Variants in COL27A1 observed in about 807,000 individuals in gnomAD.
COL27A1 encodes the protein collagen alpha-1(XXVII) chain.
In COL27A1, 106 loss-of-function variants were observed where a neutral mutation model predicts 251.3. That is an observed-to-expected ratio of 0.42 (90% CI 0.36 to 0.50). The LOEUF is 0.50. Among genes scored for constraint, COL27A1 ranks in the 20% least tolerant of loss-of-function variants. The pLI is 0.00. For missense variants in COL27A1, 2,325 were observed against 2,522.8 expected, an observed-to-expected ratio of 0.92 and a Z score of 1.68; for synonymous variants, 1,000 against 986.3, an observed-to-expected ratio of 1.01 and a Z score of -0.26.
intron 53 of COL27A1, 44 bp downstream of exon 53, chr9:114,301,363 CGGGGGAGGGGT>C: frequency 9.1e-6 from 3 of 331,472 alleles, no homozygotes; most frequent in Non-Finnish European, 1.8e-5. Flanking sequence ...ACTGCAGGGG[CGGGGGAGGGGT>C]GGGCTCCCAG....
At chr9:114,162,860 C>T (rs1179587456) in intron 2 of COL27A1, 75 bp downstream of exon 2, 3 of 1,027,726 alleles carry the variant, frequency 2.9e-6, no homozygotes, top group African/African-American at 1.6e-5. Context: ...GGGTAGGAGA[C>T]AGCCGTGCCT....
chr9:114,177,477 G>A (rs1827562859), intron 3 of COL27A1, among the ~76,000 whole-genome samples: 2 of 152,170 alleles, frequency 1.3e-5, no homozygotes, highest in African/African-American at 2.4e-5. Flanking sequence ...CCACTGAGGG[G>A]GCTGCTGCCG....
intron 14 of COL27A1, among the ~76,000 whole-genome samples, chr9:114,227,625 G>T (rs1259477655): frequency 6.6e-6 from 1 of 152,004 alleles, no homozygotes; most frequent in African/African-American, 2.4e-5. Flanking sequence ...GCTAAGGAGG[G>T]TTCAAAGTGG....
chr9:114,183,976 A>G (rs1284295697), intron 5 of COL27A1, among the ~76,000 whole-genome samples: 2 of 152,206 alleles, frequency 1.3e-5, no homozygotes, highest in Non-Finnish European at 2.9e-5. Flanking sequence ...TGAGAAACTC[A>G]GAGCACCAAG....
rs148617552 is a variant in COL27A1 at position 114,196,755 on chromosome 9, G to A, written c.2124+743G>A. Reference sequence around the variant, plus strand: ...TGCTGGGGGAGTTACCTGTCCAAACGCCTGTGTGAGGAAAAGACTGGCATT... The same window carrying A: ...TGCTGGGGGAGTTACCTGTCCAAACACCTGTGTGAGGAAAAGACTGGCATT... On this transcript the variant is annotated intron_variant, in intron 7 of 60. Transcript: ENST00000356083. Among the ~76,000 whole-genome samples, 18 of 152,214 alleles carry A rather than the reference G, an allele frequency of 1.2e-4. 1 individual carries two copies. The highest frequency in any genetic ancestry group is 4.3e-4 in the African/African-American group (18 of 41,534).
At chr9:114,192,998 T>G (rs1317185591) in intron 5 of COL27A1, among the ~76,000 whole-genome samples, 1 of 151,516 alleles carries the variant, frequency 6.6e-6, no homozygotes, top group Non-Finnish European at 1.5e-5. Flanking sequence ...GAAGCTGGCG[T>G]GTGTTTGTGT....
At chr9:114,246,530 G>A (rs1262369304) in intron 24 of COL27A1, among the ~76,000 whole-genome samples, 1 of 152,212 alleles carries the variant, frequency 6.6e-6, no homozygotes, top group Non-Finnish European at 1.5e-5. Context: ...GGGGCCTCCT[G>A]AAAGCTTAAC....
At chr9:114,240,137 C>T (rs535058743) in intron 19 of COL27A1, 83 bp from the exon 20 acceptor site, 1,129 of 1,251,898 alleles carry the variant, frequency 9.0e-4, no homozygotes, top group Non-Finnish European at 1.1e-3. Context: ...GATGGAAACC[C>T]GGTCAGTCTC....
rs1245465250 is a variant in COL27A1, at chr9:114,302,107, T to C, written c.4871T>C (p.Leu1624Ser). 6.2e-7 allele frequency: 1 copy of C among 1,612,586 alleles called. No individual in the cohort carries two copies. The highest frequency in any genetic ancestry group is 1.7e-5 in the Admixed American group (1 of 60,006). Residue 1624 changes from leucine (L) to serine (S), a missense_variant and splice_region_variant, in exon 56 of 61, where the codon TTG (leucine) becomes TCG (serine). By Grantham distance (145) the Leu-to-Ser change is moderately radical. Around this residue, in one of 4 missense-constraint regions of COL27A1, gnomAD observed 327 missense variants for 442.8 expected, o/e 0.74. Coordinates refer to ENST00000356083, the MANE Select transcript of COL27A1 (RefSeq NM_032888.4). Reference protein sequence around the residue: ...PPGPPGGPIQLQQDDLGAAFQ... With the variant: ...PPGPPGGPIQSQQDDLGAAFQ... ...GGTCCTCCAGGGGGTCCTATCCAATTGGTAAGTTGGAAACCTTCTCTTTTG... is the reference window on the plus strand; with the variant it reads ...GGTCCTCCAGGGGGTCCTATCCAATCGGTAAGTTGGAAACCTTCTCTTTTG...
At chr9:114,182,647 A>G (rs1176269252) in intron 4 of COL27A1, among the ~76,000 whole-genome samples, 2 of 152,194 alleles carry the variant, frequency 1.3e-5, no homozygotes, top group Admixed American at 6.5e-5. Context: ...GAGAGGTGGT[A>G]AAATTTAGGG....
intron 12 of COL27A1, among the ~76,000 whole-genome samples, chr9:114,214,356 G>A (rs548472816): frequency 9.5e-4 from 145 of 152,324 alleles, no homozygotes; most frequent in Non-Finnish European, 1.8e-3. Context: ...TGCAGCTGGC[G>A]TCATTTCTGG....
chr9:114,286,274 C>T (rs1183325774), intron 41 of COL27A1, among the ~76,000 whole-genome samples: 1 of 152,132 alleles, frequency 6.6e-6, no homozygotes, highest in Non-Finnish European at 1.5e-5. Context: ...GAGTTCTTTC[C>T]CTGCCATTCC....
At chr9:114,205,921 G>T in intron 9 of COL27A1, 109 bp downstream of exon 9, 1 of 999,952 alleles carries the variant, frequency 1.0e-6, no homozygotes, top group Non-Finnish European at 1.5e-6. Context: ...AGCTGCACCT[G>T]CTGGGTGGAC....
At chr9:114,226,208 C>A (rs1485057102) in intron 14 of COL27A1, among the ~76,000 whole-genome samples, 1 of 152,166 alleles carries the variant, frequency 6.6e-6, no homozygotes, top group Non-Finnish European at 1.5e-5. Flanking sequence ...GGCCACAAAC[C>A]CAGCATGTGA....
intron 2 of COL27A1, among the ~76,000 whole-genome samples, chr9:114,163,865 G>T (rs933177822): frequency 6.7e-6 from 1 of 148,604 alleles, no homozygotes; most frequent in Non-Finnish European, 1.5e-5. Context: ...GGCGGGGGGC[G>T]GGGGGAGAGG....
chr9:114,303,152 T>G (rs1828780513), intron 56 of COL27A1, among the ~76,000 whole-genome samples: 1 of 152,082 alleles, frequency 6.6e-6, no homozygotes, highest in South Asian at 2.1e-4. Flanking sequence ...GATTTTGCAT[T>G]TTTTTGAATA....
At chr9:114,204,454 C>T (rs1273369748) in intron 7 of COL27A1, among the ~76,000 whole-genome samples, 2 of 152,232 alleles carry the variant, frequency 1.3e-5, no homozygotes, top group Non-Finnish European at 2.9e-5. Flanking sequence ...CTGGCCTGGA[C>T]ATGCCTTTTG....
intron 49 of COL27A1, among the ~76,000 whole-genome samples, chr9:114,298,793 A>G (rs1828417777): frequency 6.6e-6 from 1 of 152,264 alleles, no homozygotes; most frequent in Non-Finnish European, 1.5e-5. Flanking sequence ...GGACTTCATC[A>G]AAATCAAACA....
intron 10 of COL27A1, chr9:114,209,440 G>A (rs1830196234): frequency 2.6e-6 from 2 of 766,462 alleles, no homozygotes; most frequent in Non-Finnish European, 4.9e-6. Flanking sequence ...CCCTTCCCTG[G>A]CGTGAGGGTA....
Sources: allele counts gnomAD v4.1 joint callset (sites outside exome capture counted in the v4.1 genomes callset), GRCh38; gene constraint gnomAD v4.1.1; regional missense constraint gnomAD v4.1.1; transcripts MANE v1.5; gene names NCBI Gene and HGNC (gene_info 2026-07-23, HGNC 2026-07-21).